XKR9: variants seen among roughly 807,000 people sequenced by gnomAD.
The protein encoded by XKR9 is XK related 9.
Under a neutral mutation model 32.0 loss-of-function variants are expected in XKR9, and 32 were observed. The ratio of observed to expected loss-of-function variants is 1.00; its 90% CI spans 0.76 to 1.34. XKR9 has a LOEUF of 1.34. Ranked by LOEUF, XKR9 falls within the 40% of genes most tolerant of loss-of-function variation. The probability of loss-of-function intolerance (pLI) is 0.00; values close to 1 mark genes in which losing one functional copy is unlikely to be tolerated. For missense variants in XKR9, 546 were observed against 429.7 expected, an observed-to-expected ratio of 1.27 and a Z score of -2.39; for synonymous variants, 168 against 143.4, an observed-to-expected ratio of 1.17 and a Z score of -1.22.
chr8:70,982,375 G>T, the XKR9 span, among the ~76,000 whole-genome samples: 15 of 152,180 alleles, frequency 9.9e-5, no homozygotes, highest in African/African-American at 3.6e-4. Context: ...TGTTGTGGGG[G>T]ATAGCAGTGT....
At chr8:70,983,442 A>G in the XKR9 span, among the ~76,000 whole-genome samples, 1 of 152,156 alleles carries the variant, frequency 6.6e-6, no homozygotes, top group Non-Finnish European at 1.5e-5. Context: ...CACTGTGCTC[A>G]TTAAGCTCTC....
At chr8:70,986,003 G>A in the XKR9 span, among the ~76,000 whole-genome samples, 16 of 151,984 alleles carry the variant, frequency 1.1e-4, no homozygotes, top group African/African-American at 3.9e-4. Context: ...GTTAATATTT[G>A]GTGAAATTCC....
chr8:70,778,321 C>G (rs1182622823), intron 2 of XKR9, among the ~76,000 whole-genome samples: 1 of 152,152 alleles, frequency 6.6e-6, no homozygotes, highest in Non-Finnish European at 1.5e-5. Flanking sequence ...TGTTTTGGTA[C>G]CAGTACCATG....
the XKR9 span, among the ~76,000 whole-genome samples, chr8:70,958,906 G>A: frequency 6.6e-6 from 1 of 151,876 alleles, no homozygotes; most frequent in Admixed American, 6.6e-5. Flanking sequence ...AGGAGTAAAT[G>A]AAATAACATA....
chr8:70,776,991 G>A (rs1255456466), intron 2 of XKR9, among the ~76,000 whole-genome samples: 1 of 121,638 alleles, frequency 8.2e-6, no homozygotes, highest in Non-Finnish European at 1.7e-5. Flanking sequence ...AAGTTCTGAG[G>A]TACATAGGTA....
At chr8:71,013,449 C>T in the XKR9 span, among the ~76,000 whole-genome samples, 197 of 152,290 alleles carry the variant, frequency 1.3e-3, no homozygotes, top group African/African-American at 4.4e-3. Flanking sequence ...AGTTCTCATA[C>T]AGCCCCACAG....
chr8:70,898,776 T>C, the XKR9 span, among the ~76,000 whole-genome samples: 2 of 152,228 alleles, frequency 1.3e-5, no homozygotes, highest in Non-Finnish European at 2.9e-5. Context: ...TAATTTACAA[T>C]GGATATTTTC....
At chr8:70,993,598 ACATCTTCCTTCCTTCCTTCCTTC>A in the XKR9 span, among the ~76,000 whole-genome samples, 202 of 136,726 alleles carry the variant, frequency 1.5e-3, 1 homozygote, top group Admixed American at 2.8e-3. Context: ...GTTTCATAGG[ACATCTTCCTTCCTTCCTTCCTTC>A]CTTCCTTCCT....
At chr8:70,799,765 A>C in the XKR9 span, among the ~76,000 whole-genome samples, 1 of 152,170 alleles carries the variant, frequency 6.6e-6, no homozygotes, top group East Asian at 1.9e-4. Context: ...TTTTGGGATG[A>C]GACTATGGGG....
chr8:70,806,521 T>C, the XKR9 span, among the ~76,000 whole-genome samples: 494 of 152,206 alleles, frequency 3.2e-3, 2 homozygotes, highest in Non-Finnish European at 5.1e-3. Context: ...AGAACCTTGA[T>C]AAAGATTAAA....
intron 4 of XKR9, among the ~76,000 whole-genome samples, chr8:70,722,636 T>A (rs970041664): frequency 6.6e-6 from 1 of 152,254 alleles, no homozygotes; most frequent in Admixed American, 6.5e-5. Flanking sequence ...CACTGTGTTC[T>A]GGCTTGTAGG....
the XKR9 span, among the ~76,000 whole-genome samples, chr8:70,824,262 G>T: frequency 6.6e-6 from 1 of 152,042 alleles, no homozygotes; most frequent in Non-Finnish European, 1.5e-5. Context: ...CCTGGTGCAT[G>T]GTAAGTAAAC....
At chr8:70,926,545 T>C in the XKR9 span, among the ~76,000 whole-genome samples, 1 of 152,238 alleles carries the variant, frequency 6.6e-6, no homozygotes, top group Non-Finnish European at 1.5e-5. Context: ...TAATTTTCTT[T>C]AGAACACAAT....
chr8:70,855,470 G>A, the XKR9 span, among the ~76,000 whole-genome samples: 1 of 152,142 alleles, frequency 6.6e-6, no homozygotes, highest in Non-Finnish European at 1.5e-5. Context: ...ACAAATATGG[G>A]ACTATGTGAA....
chr8:70,763,134 A>G (rs1274254824), intron 2 of XKR9, among the ~76,000 whole-genome samples: 4 of 152,004 alleles, frequency 2.6e-5, no homozygotes, highest in Non-Finnish European at 5.9e-5. Flanking sequence ...AAAGGGATGA[A>G]AAGAGGGAAA....
the XKR9 span, among the ~76,000 whole-genome samples, chr8:70,896,531 T>C: frequency 6.6e-6 from 1 of 151,930 alleles, no homozygotes; most frequent in African/African-American, 2.4e-5. Flanking sequence ...ATTCTTGATA[T>C]TGGTAATGCG....
At chr8:70,688,262 G>T (rs573184073) in intron 3 of XKR9, among the ~76,000 whole-genome samples, 6 of 152,172 alleles carry the variant, frequency 3.9e-5, no homozygotes, top group Admixed American at 2.0e-4. Flanking sequence ...TGTCTTTGGC[G>T]TGTCACAGTT....
the XKR9 span, among the ~76,000 whole-genome samples, chr8:71,050,698 G>T: frequency 6.6e-6 from 1 of 152,152 alleles, no homozygotes; most frequent in African/African-American, 2.4e-5. Flanking sequence ...AAAGAGTGGT[G>T]CCATAGACAA....
intron 4 of XKR9, among the ~76,000 whole-genome samples, chr8:70,712,726 G>T (rs984482430): frequency 1.3e-5 from 2 of 152,026 alleles, no homozygotes; most frequent in Admixed American, 6.6e-5. Context: ...AACTCCCCCT[G>T]CAAAACAAAG....
Sources: allele counts gnomAD v4.1 joint callset (sites outside exome capture counted in the v4.1 genomes callset), GRCh38; gene constraint gnomAD v4.1.1; transcripts MANE v1.5; gene names NCBI Gene and HGNC (gene_info 2026-07-23, HGNC 2026-07-21).